The following LINC00305 variants were observed in gnomAD, a reference collection of about 807,000 sequenced individuals.
LINC00305 encodes long intergenic non-protein coding RNA 305.
intron 1 of LINC00305, among the ~76,000 whole-genome samples, chr18:64,099,183 G>C (rs75605107): frequency 2.0e-5 from 3 of 152,052 alleles, no homozygotes; most frequent in Non-Finnish European, 4.4e-5. Context: ...TATATTAAAT[G>C]CTATATACCT....
chr18:64,130,407 G>T (rs1173081554), intron 1 of LINC00305, among the ~76,000 whole-genome samples: 3 of 151,998 alleles, frequency 2.0e-5, no homozygotes, highest in Non-Finnish European at 4.4e-5. Flanking sequence ...CTGCCATTCT[G>T]CCAATCAAAA....
At chr18:64,085,942 C>T (rs1222573549) in intron 3 of LINC00305, among the ~76,000 whole-genome samples, 1 of 152,196 alleles carries the variant, frequency 6.6e-6, no homozygotes, top group Non-Finnish European at 1.5e-5. Context: ...GTTAAGAAGG[C>T]ACTCTGCTGT....
At chr18:64,092,381 T>C (rs980343023) in intron 3 of LINC00305, among the ~76,000 whole-genome samples, 2 of 152,178 alleles carry the variant, frequency 1.3e-5, no homozygotes, top group Non-Finnish European at 2.9e-5. Flanking sequence ...GCCAACATGG[T>C]GAAACCCCGT....
chr18:64,144,165 G>C (rs953415857), intron 1 of LINC00305, among the ~76,000 whole-genome samples: 1 of 152,092 alleles, frequency 6.6e-6, no homozygotes, highest in Non-Finnish European at 1.5e-5. Flanking sequence ...TTGTTTTTCT[G>C]TCCCATAAAG....
chr18:64,143,593 C>CACGTATTATGCGT (rs2051477717), intron 1 of LINC00305, among the ~76,000 whole-genome samples: 4 of 81,944 alleles, frequency 4.9e-5, no homozygotes, highest in African/African-American at 1.4e-4. Flanking sequence ...TACATATGTA[C>CACGTATTATGCGT]ACATATGTAT....
chr18:64,142,239 A>C (rs1216739178), intron 1 of LINC00305, among the ~76,000 whole-genome samples: 1 of 152,214 alleles, frequency 6.6e-6, no homozygotes, highest in East Asian at 1.9e-4. Flanking sequence ...AGACTAGGTT[A>C]TAAAATGTTA....
intron 1 of LINC00305, among the ~76,000 whole-genome samples, chr18:64,116,948 C>A (rs1049517490): frequency 1.2e-4 from 18 of 152,278 alleles, no homozygotes; most frequent in African/African-American, 3.8e-4. Context: ...TTCATTAAAA[C>A]AAAGCCAAAC....
intron 1 of LINC00305, among the ~76,000 whole-genome samples, chr18:64,142,669 G>T (rs1006383911): frequency 1.3e-5 from 2 of 152,050 alleles, no homozygotes; most frequent in African/African-American, 2.4e-5. Flanking sequence ...TTACACCATG[G>T]CCACCCGCGC....
intron 1 of LINC00305, among the ~76,000 whole-genome samples, chr18:64,121,340 C>A (rs371564343): frequency 6.6e-6 from 1 of 152,000 alleles, no homozygotes; most frequent in Non-Finnish European, 1.5e-5. Flanking sequence ...CATCCACCCC[C>A]CTCTGTCCCC....
chr18:64,132,609 A>T (rs1005229502), intron 1 of LINC00305, among the ~76,000 whole-genome samples: 1 of 152,170 alleles, frequency 6.6e-6, no homozygotes, highest in South Asian at 2.1e-4. Context: ...TTTAGACCAC[A>T]TTCCCACTGA....
At chr18:64,137,174 G>A (rs2051438818) in intron 1 of LINC00305, among the ~76,000 whole-genome samples, 1 of 152,168 alleles carries the variant, frequency 6.6e-6, no homozygotes, top group African/African-American at 2.4e-5. Flanking sequence ...GTGATGCTGA[G>A]GAGGAAACTG....
At chr18:64,089,584 T>TG (rs2051217178) in intron 3 of LINC00305, among the ~76,000 whole-genome samples, 1 of 151,650 alleles carries the variant, frequency 6.6e-6, no homozygotes, top group South Asian at 2.1e-4. Context: ...AATTAAGGAG[T>TG]GGGGAAAAGG....
intron 1 of LINC00305, among the ~76,000 whole-genome samples, chr18:64,113,314 A>G (rs377382239): frequency 1.3e-5 from 2 of 152,254 alleles, no homozygotes; most frequent in Admixed American, 6.5e-5. Flanking sequence ...ATGTAGCACA[A>G]TGCTTACGTC....
intron 1 of LINC00305, among the ~76,000 whole-genome samples, chr18:64,130,520 C>A (rs1285675202): frequency 1.3e-5 from 2 of 151,990 alleles, no homozygotes; most frequent in African/African-American, 4.8e-5. Context: ...AAATACATAG[C>A]AAAAGAAAAC....
chr18:64,131,138 T>C (rs2144268382), intron 1 of LINC00305, among the ~76,000 whole-genome samples: 1 of 152,324 alleles, frequency 6.6e-6, no homozygotes, highest in Non-Finnish European at 1.5e-5. Flanking sequence ...TGTGAGATCT[T>C]ACAGGTTAAA....
intron 1 of LINC00305, among the ~76,000 whole-genome samples, chr18:64,111,487 T>C (rs1422629658): frequency 6.6e-6 from 1 of 152,248 alleles, no homozygotes; most frequent in Non-Finnish European, 1.5e-5. Context: ...TGATACCCTG[T>C]CATTTTTAGT....
At position 64,106,273 on chromosome 18, in the gene LINC00305, T is replaced by C. The variant is rs77637900; in HGVS notation, n.315-7633A>G. ...CTCTTGAGGTTAGCATCTCCCAGCA[T>C]GTTTCTGTAAACCTGGGCATGTCTG... On this transcript the variant is annotated intron_variant and non_coding_transcript_variant, in intron 1 of 3. Coordinates refer to ENST00000666468, the Ensembl canonical transcript of LINC00305. Among the ~76,000 whole-genome samples, 7 of 152,322 alleles carry C rather than the reference T, an allele frequency of 4.6e-5. No individual in the cohort carries two copies. The East Asian group carries it at 1.3e-3, about 29-fold the overall frequency.
intron 1 of LINC00305, among the ~76,000 whole-genome samples, chr18:64,098,846 T>C (rs889527722): frequency 6.6e-6 from 1 of 152,172 alleles, no homozygotes; most frequent in African/African-American, 2.4e-5. Flanking sequence ...TCTGAAGTTA[T>C]GTGTGCGGTT....
At chr18:64,115,913 G>T (rs1052102830) in intron 1 of LINC00305, among the ~76,000 whole-genome samples, 1 of 152,122 alleles carries the variant, frequency 6.6e-6, no homozygotes, top group African/African-American at 2.4e-5. Context: ...TTCTACGGGA[G>T]GATAGGAGCC....
Sources: allele counts gnomAD v4.1 joint callset (sites outside exome capture counted in the v4.1 genomes callset), GRCh38; gene constraint gnomAD v4.1.1; transcripts MANE v1.5; gene names NCBI Gene and HGNC (gene_info 2026-07-23, HGNC 2026-07-21).